The following GSE1 variants were observed in gnomAD, a reference collection of about 807,000 sequenced individuals.
The protein encoded by GSE1 is genetic suppressor element 1.
GSE1 carries 32 observed loss-of-function variants against 112.6 expected under a neutral mutation model. The ratio of observed to expected loss-of-function variants is 0.28; its 90% confidence interval spans 0.21 to 0.38. The LOEUF (loss-of-function observed/expected upper bound fraction) is 0.38. Ranked by LOEUF, GSE1 falls within the 10% of genes least tolerant of loss-of-function variation. The pLI is 1.00. For synonymous variants in GSE1, 1,115 were observed against 735.6 expected (o/e 1.52, Z -8.35); for missense variants, 2,348 against 1,699.2 (o/e 1.38, Z -6.71).
chr16:85,499,769 A>G (rs1324358852), intron 2 of GSE1, among the ~76,000 whole-genome samples: 1 of 152,224 alleles, frequency 6.6e-6, no homozygotes, highest in South Asian at 2.1e-4. Flanking sequence ...ACCCTCCAGT[A>G]CCATTTTATA....
At chr16:85,240,257 C>G (rs116048096) in intron 1 of GSE1, among the ~76,000 whole-genome samples, 1,837 of 152,340 alleles carry the variant, frequency 0.012, 45 homozygotes, top group African/African-American at 0.042. Flanking sequence ...TTCCCTCCTC[C>G]CCAGTCATTA....
intron 2 of GSE1, among the ~76,000 whole-genome samples, chr16:85,414,235 C>A (rs916318899): frequency 1.3e-5 from 2 of 152,194 alleles, no homozygotes; most frequent in Non-Finnish European, 2.9e-5. Flanking sequence ...AGGGGACTTA[C>A]TCGGAAACAT....
intron 1 of GSE1, among the ~76,000 whole-genome samples, chr16:85,237,354 A>G (rs934406671): frequency 6.6e-6 from 1 of 151,716 alleles, no homozygotes; most frequent in African/African-American, 2.4e-5. Flanking sequence ...AAATAAAACA[A>G]TAGAAATGGC....
intron 3 of GSE1, among the ~76,000 whole-genome samples, chr16:85,650,138 G>A (rs2051211902): frequency 6.6e-6 from 1 of 152,216 alleles, no homozygotes; most frequent in Admixed American, 6.5e-5. Flanking sequence ...GGAGACCGAG[G>A]GGCAGGGCGT....
intron 1 of GSE1, among the ~76,000 whole-genome samples, chr16:85,175,573 C>G (rs1035276011): frequency 7.2e-5 from 11 of 152,208 alleles, no homozygotes; most frequent in Non-Finnish European, 1.5e-4. Context: ...CTTCCCCCCG[C>G]CCCCGTGAAG....
Position 85,319,459 on chromosome 16 carries a change from C to T in GSE1, c.2284-38004C>T, listed in dbSNP as rs116366585. Reference sequence around the variant, plus strand: ...GGCAGCAGAGCCTCCTCGTCCTCACCCTTCCGTTCCAGCGGGAGTGGGTGG... The same window carrying T: ...GGCAGCAGAGCCTCCTCGTCCTCACTCTTCCGTTCCAGCGGGAGTGGGTGG... On this transcript the variant is annotated intron_variant, in intron 1 of 2. Coordinates refer to the GSE1 transcript ENST00000637419. Among the ~76,000 whole-genome samples the T allele has an allele frequency of 6.4e-3, 970 of 152,286 alleles. 16 individuals carry two copies. Among genetic ancestry groups the T allele is most frequent in the African/African-American group, 0.022 (921 of 41,546 alleles).
At chr16:85,642,506 G>T (rs568534739) in intron 2 of GSE1, among the ~76,000 whole-genome samples, 6 of 152,276 alleles carry the variant, frequency 3.9e-5, no homozygotes, top group Admixed American at 2.6e-4. Flanking sequence ...TGAGACAGGG[G>T]TCTGTCGCTC....
intron 2 of GSE1, among the ~76,000 whole-genome samples, chr16:85,493,120 T>C (rs2051062544): frequency 6.6e-6 from 1 of 152,154 alleles, no homozygotes; most frequent in African/African-American, 2.4e-5. Context: ...GAGCCCTGTG[T>C]TCTCCAGGGA....
intron 1 of GSE1, among the ~76,000 whole-genome samples, chr16:85,242,142 A>G (rs905572596): frequency 3.9e-5 from 6 of 152,136 alleles, no homozygotes; most frequent in African/African-American, 1.4e-4. Flanking sequence ...ATCACACGCC[A>G]GGCATCTCGC....
chr16:85,294,058 G>A (rs1212873773), intron 1 of GSE1, among the ~76,000 whole-genome samples: 1 of 152,176 alleles, frequency 6.6e-6, no homozygotes, highest in African/African-American at 2.4e-5. Context: ...CCCGGCCGCT[G>A]GTGAAATGAG....
chr16:85,667,456 G>A (rs2052962250), intron 13 of GSE1, among the ~76,000 whole-genome samples: 1 of 152,258 alleles, frequency 6.6e-6, no homozygotes, highest in African/African-American at 2.4e-5. Flanking sequence ...CAATGAGGCT[G>A]ATTCCTGGGG....
chr16:85,314,167 C>A (rs560755776), intron 1 of GSE1, among the ~76,000 whole-genome samples: 1 of 152,140 alleles, frequency 6.6e-6, no homozygotes, highest in Non-Finnish European at 1.5e-5. Flanking sequence ...GCCTCCCTCC[C>A]CTGAGGCAGT....
At chr16:85,351,944 C>T (rs941537821) in intron 1 of GSE1, among the ~76,000 whole-genome samples, 2 of 152,040 alleles carry the variant, frequency 1.3e-5, no homozygotes, top group Non-Finnish European at 2.9e-5. Flanking sequence ...GAGCCGAGAT[C>T]GCACCACTGC....
chr16:85,209,223 A>G (rs2075179942), intron 1 of GSE1, among the ~76,000 whole-genome samples: 2 of 152,188 alleles, frequency 1.3e-5, no homozygotes. Flanking sequence ...AACTCTCACA[A>G]CAACCCCACG....
intron 1 of GSE1, among the ~76,000 whole-genome samples, chr16:85,322,802 G>T (rs932977817): frequency 6.6e-6 from 1 of 152,070 alleles, no homozygotes; most frequent in African/African-American, 2.4e-5. Flanking sequence ...TTTTAGTAGA[G>T]AGGGGGTTTC....
intron 2 of GSE1, among the ~76,000 whole-genome samples, chr16:85,387,974 G>A: frequency 6.9e-6 from 1 of 145,892 alleles, no homozygotes; most frequent in South Asian, 2.3e-4. Context: ...GTAGGTAGAT[G>A]GGTGAGTGGA....
At chr16:85,222,641 A>G (rs2075413783) in intron 1 of GSE1, among the ~76,000 whole-genome samples, 1 of 152,214 alleles carries the variant, frequency 6.6e-6, no homozygotes, top group East Asian at 1.9e-4. Context: ...AATGAATTTT[A>G]CTGCCTCCTC....
At chr16:85,427,080 C>T (rs2049011032) in intron 2 of GSE1, among the ~76,000 whole-genome samples, 1 of 152,134 alleles carries the variant, frequency 6.6e-6, no homozygotes, top group Non-Finnish European at 1.5e-5. Context: ...GGAACAGGCT[C>T]AGTATGTGGT....
intron 1 of GSE1, among the ~76,000 whole-genome samples, chr16:85,584,881 C>T (rs1250418989): frequency 6.6e-6 from 1 of 151,510 alleles, no homozygotes; most frequent in Non-Finnish European, 1.5e-5. Flanking sequence ...GACCCTCGCC[C>T]CCTGCACTCC....
Sources: gnomAD v4.1 joint callset for allele counts (sites outside exome capture counted in the v4.1 genomes callset) on GRCh38, gnomAD v4.1.1 for gene constraint, MANE v1.5 for transcripts, NCBI Gene and HGNC (gene_info 2026-07-23, HGNC 2026-07-21) for gene names.